Variants in CSGALNACT1 observed in about 807,000 individuals in gnomAD.
CSGALNACT1 encodes the protein beta4GalNAcT-1.
A neutral mutation model predicts 51.0 loss-of-function variants in CSGALNACT1; 52 were observed. The observed-to-expected ratio is 1.02, with a 90% CI of 0.82 to 1.29. The LOEUF (loss-of-function observed/expected upper bound fraction) is 1.29. CSGALNACT1 is among the 50% of genes most tolerant of loss of function. The pLI, the probability that CSGALNACT1 is intolerant of heterozygous loss-of-function variation, is 0.00. For missense variants in CSGALNACT1, 935 were observed against 679.2 expected (o/e 1.38, Z -4.19); for synonymous variants, 341 against 254.4 (o/e 1.34, Z -3.24).
chr8:19,492,165 C>T (rs546427724), intron 4 of CSGALNACT1, among the ~76,000 whole-genome samples: 2 of 152,298 alleles, frequency 1.3e-5, no homozygotes, highest in East Asian at 3.9e-4. Context: ...TAACAAAATG[C>T]TAACTATATG....
rs190118449 is a variant in CSGALNACT1 at position 19,581,123 on chromosome 8, G to A, written c.-297+10037C>T. Among the ~76,000 whole-genome samples the A allele has an allele frequency of 8.5e-5, 13 of 152,290 alleles. No individual in the cohort carries two copies. In the East Asian group the frequency reaches 2.5e-3, roughly 29 times the overall value. On this transcript the variant is annotated intron_variant, in intron 3 of 9. Transcript: ENST00000454498. ...AGGAGTTTTCCAAAACTGATGAAAG[G>A]TATCAAGCCTGAGATCCAACAAGCT...
chr8:19,557,124 C>A (rs1029018171), intron 3 of CSGALNACT1, among the ~76,000 whole-genome samples: 1 of 152,162 alleles, frequency 6.6e-6, no homozygotes, highest in African/African-American at 2.4e-5. Context: ...TGGAATTTCC[C>A]TTGCACCCCA....
chr8:19,602,886 T>G (rs948568038), upstream of CSGALNACT1: 12 of 152,238 alleles, frequency 7.9e-5, no homozygotes, highest in Admixed American at 7.2e-4. Flanking sequence ...GGCACAGTCC[T>G]CCTTCCCGAG....
intron 4 of CSGALNACT1, among the ~76,000 whole-genome samples, chr8:19,481,039 T>G (rs2071239062): frequency 6.6e-6 from 1 of 152,220 alleles, no homozygotes; most frequent in Admixed American, 6.5e-5. Flanking sequence ...CCTAAAATGT[T>G]GTCTACTGCT....
At chr8:19,698,895 A>G (rs1351786549) in intron 1 of CSGALNACT1, among the ~76,000 whole-genome samples, 1 of 152,196 alleles carries the variant, frequency 6.6e-6, no homozygotes, top group Non-Finnish European at 1.5e-5. Context: ...TTGAATGCAC[A>G]AGTCTCTTCC....
chr8:19,647,942 G>A (rs1239180000), intron 1 of CSGALNACT1, among the ~76,000 whole-genome samples: 2 of 152,168 alleles, frequency 1.3e-5, no homozygotes, highest in African/African-American at 4.8e-5. Flanking sequence ...CAGACCCTGG[G>A]CACAAGAGAC....
intron 2 of CSGALNACT1, among the ~76,000 whole-genome samples, chr8:19,597,328 C>T (rs1320630502): frequency 9.5e-6 from 1 of 104,984 alleles, no homozygotes; most frequent in Non-Finnish European, 1.7e-5. Flanking sequence ...GGAGGTCTTG[C>T]TGTGTCACCC....
chr8:19,631,583 T>C (rs530377671), intron 1 of CSGALNACT1, among the ~76,000 whole-genome samples: 1 of 152,220 alleles, frequency 6.6e-6, no homozygotes, highest in Admixed American at 6.5e-5. Context: ...CTAATTCCTA[T>C]TGCTGAAGGA....
At chr8:19,546,071 T>C (rs2154076673) in intron 3 of CSGALNACT1, among the ~76,000 whole-genome samples, 1 of 152,088 alleles carries the variant, frequency 6.6e-6, no homozygotes, top group African/African-American at 2.4e-5. Context: ...CCTTTTCACT[T>C]AAAACAAGAA....
exon 10 of CSGALNACT1, chr8:19,405,905 T>A: frequency 6.2e-7 from 1 of 1,614,110 alleles, no homozygotes; most frequent in Non-Finnish European, 8.5e-7. Context: ...TGCATGCACA[T>A]CTTGTACTGC....
intron 4 of CSGALNACT1, among the ~76,000 whole-genome samples, chr8:19,492,659 C>A (rs544241693): frequency 1.2e-4 from 19 of 152,304 alleles, no homozygotes; most frequent in Admixed American, 1.1e-3. Context: ...CAGCTGGAAG[C>A]CCAGCCATGC....
chr8:19,563,082 G>C (rs1324132529), intron 3 of CSGALNACT1, among the ~76,000 whole-genome samples: 3 of 152,140 alleles, frequency 2.0e-5, no homozygotes, highest in Admixed American at 2.0e-4. Context: ...ACACACCATG[G>C]AATACTATGC....
chr8:19,667,864 A>T (rs1311230130), intron 1 of CSGALNACT1, among the ~76,000 whole-genome samples: 1 of 152,240 alleles, frequency 6.6e-6, no homozygotes, highest in Non-Finnish European at 1.5e-5. Flanking sequence ...GATAAAGCAT[A>T]TAAAAAAGTA....
intron 4 of CSGALNACT1, among the ~76,000 whole-genome samples, chr8:19,479,403 G>T (rs1455060617): frequency 6.6e-6 from 1 of 152,224 alleles, no homozygotes; most frequent in Non-Finnish European, 1.5e-5. Flanking sequence ...GCCATTGGCG[G>T]CCAGTAGTCC....
chr8:19,683,029 T>C (rs2060744117), upstream of CSGALNACT1: 1 of 260,552 alleles, frequency 3.8e-6, no homozygotes, highest in Non-Finnish European at 7.8e-6. Context: ...TAAATGACCC[T>C]GGAGACCGTG....
upstream of CSGALNACT1, among the ~76,000 whole-genome samples, chr8:19,603,133 T>TAGAA (rs1237769337): frequency 1.0e-4 from 8 of 78,396 alleles, no homozygotes; most frequent in East Asian, 6.7e-4. Context: ...AAAAAAAAAG[T>TAGAA]AGAAAGAAAG....
At chr8:19,414,108 G>A (rs1336127089) in intron 8 of CSGALNACT1, among the ~76,000 whole-genome samples, 1 of 152,138 alleles carries the variant, frequency 6.6e-6, no homozygotes, top group African/African-American at 2.4e-5. Flanking sequence ...GCCACGGTGG[G>A]AGTATTTACA....
chr8:19,698,677 T>G (rs1351118442), intron 1 of CSGALNACT1, among the ~76,000 whole-genome samples: 5 of 152,154 alleles, frequency 3.3e-5, no homozygotes, highest in Admixed American at 3.3e-4. Flanking sequence ...ATAACAAGTG[T>G]TAGCAAAGAT....
At chr8:19,452,093 T>C (rs1254585675) in intron 5 of CSGALNACT1, among the ~76,000 whole-genome samples, 1 of 152,180 alleles carries the variant, frequency 6.6e-6, no homozygotes. Context: ...GAGGGAGACA[T>C]AATCTTCTGC....
Sources: allele counts gnomAD v4.1 joint callset (sites outside exome capture counted in the v4.1 genomes callset), GRCh38; gene constraint gnomAD v4.1.1; transcripts MANE v1.5; gene names NCBI Gene and HGNC (gene_info 2026-07-23, HGNC 2026-07-21).